The following PTPRS variants were observed in gnomAD, a reference collection of about 807,000 sequenced individuals.
PTPRS encodes the protein protein tyrosine phosphatase receptor type S, also known as receptor-type tyrosine-protein phosphatase S.
A neutral mutation model predicts 215.3 loss-of-function variants in PTPRS; 63 were observed. The observed-to-expected ratio is 0.29, with a 90% CI of 0.24 to 0.36. The LOEUF (loss-of-function observed/expected upper bound fraction) is 0.36, where lower values mean the gene tolerates loss of function less well. Among genes scored for constraint, PTPRS ranks in the 10% least tolerant of loss-of-function variants. PTPRS has a pLI of 1.00. For missense variants in PTPRS, 2,258 were observed against 2,825.8 expected (o/e 0.80, Z 4.56); for synonymous variants, 1,404 against 1,191.4 (o/e 1.18, Z -3.68).
chr19:5,312,502 A>C (rs1335777412), intron 1 of PTPRS, among the ~76,000 whole-genome samples: 2 of 151,972 alleles, frequency 1.3e-5, no homozygotes, highest in Non-Finnish European at 2.9e-5. Flanking sequence ...TCTACAAAAA[A>C]ATACAAAAAT....
intron 17 of PTPRS, among the ~76,000 whole-genome samples, 171 bp from the exon 18 acceptor site, chr19:5,223,468 G>A (rs2042194713): frequency 6.6e-6 from 1 of 151,808 alleles, no homozygotes; most frequent in African/African-American, 2.4e-5. Flanking sequence ...ACGGCTCACT[G>A]CAGCCTCGAA....
Position 5,212,504 on chromosome 19 carries a change from A to G in PTPRS, c.4615-13T>C. 2 of 1,578,650 alleles carry G rather than the reference A, an allele frequency of 1.3e-6. No homozygotes were observed. Among genetic ancestry groups the G allele is most frequent in the Non-Finnish European group, 1.7e-6 (2 of 1,160,524 alleles). On this transcript the variant is annotated splice_polypyrimidine_tract_variant and intron_variant, in intron 30 of 37. Transcript: ENST00000262963. ...CACTGGAGCCATTCTGGGGACCACA[A>G]GGATGTCACCTGTCACTCCGGCTCA... is the stretch of plus-strand genomic sequence containing the variant.
chr19:5,222,019 C>G, intron 19 of PTPRS, 104 bp downstream of exon 19: 1 of 909,784 alleles, frequency 1.1e-6, no homozygotes, highest in Non-Finnish European at 1.8e-6. Context: ...CTGACTGAGC[C>G]CTGATCCCTC....
At chr19:5,262,905 GA>G (rs1411327717) in intron 6 of PTPRS, 58 bp downstream of exon 6, 8 of 1,515,016 alleles carry the variant, frequency 5.3e-6, no homozygotes, top group Non-Finnish European at 7.2e-6. Context: ...AAGGGGAGCA[GA>G]AGGGGCACAA....
intron 13 of PTPRS, among the ~76,000 whole-genome samples, chr19:5,232,845 G>A (rs570834093): frequency 6.7e-4 from 101 of 151,442 alleles, no homozygotes; most frequent in Non-Finnish European, 1.3e-3. Flanking sequence ...GCCAGGCACC[G>A]TGGCAAGGGG....
intron 28 of PTPRS, 61 bp downstream of exon 28, chr19:5,215,228 G>A (rs754995315): frequency 1.3e-6 from 2 of 1,595,372 alleles, no homozygotes; most frequent in Non-Finnish European, 1.7e-6. Context: ...GGGAGACATG[G>A]GATCTAGCAC....
intron 1 of PTPRS, 25 bp from the exon 2 acceptor site, chr19:5,286,259 A>T: frequency 8.8e-7 from 1 of 1,131,434 alleles, no homozygotes; most frequent in Non-Finnish European, 1.3e-6. Context: ...GAGGGCTGTG[A>T]GAGGCGAGTG....
Position 5,218,434 on chromosome 19 carries a change from T to G in PTPRS, c.4034A>C (p.Asn1345Thr). 3.1e-6 allele frequency: 5 copies of G among 1,613,762 alleles called. No homozygotes were observed. The highest frequency in any genetic ancestry group is 3.4e-6 in the Non-Finnish European group (4 of 1,179,936). ...TAAGTACATACCTGGAGTCTGGAAG[T>G]TAATGCGTCTCATTTCCACAGGGTC... ...PKDPVEMRRINFQTPDSGLRS... is the reference protein window; with the variant it reads ...PKDPVEMRRITFQTPDSGLRS... The change falls in exon 25 of 38, where the codon AAC (asparagine) becomes ACC (threonine). Residue 1345 changes from asparagine to threonine, a missense_variant. Physicochemically the swap from Asn to Thr is moderately conservative, Grantham distance 65. Around this residue, in one of 6 missense-constraint regions of PTPRS, gnomAD observed 927 missense variants for 1,125.9 expected, o/e 0.82. Transcript: ENST00000262963.
intron 1 of PTPRS, among the ~76,000 whole-genome samples, chr19:5,323,229 C>T (rs533966160): frequency 6.6e-6 from 1 of 152,224 alleles, no homozygotes; most frequent in African/African-American, 2.4e-5. Context: ...CATGGTGGCA[C>T]ATGCCTGTAA....
chr19:5,309,756 T>C (rs1198329832), intron 1 of PTPRS, among the ~76,000 whole-genome samples: 1 of 152,118 alleles, frequency 6.6e-6, no homozygotes, highest in Non-Finnish European at 1.5e-5. Flanking sequence ...CCAACCCTTC[T>C]GCAAAATCCT....
chr19:5,269,557 C>T (rs1309639723), intron 4 of PTPRS, among the ~76,000 whole-genome samples: 1 of 151,984 alleles, frequency 6.6e-6, no homozygotes. Flanking sequence ...GTATCCAAGG[C>T]CCCGGGCCCC....
chr19:5,244,580 T>A lies in PTPRS; in HGVS notation c.989-98A>T. The A allele has an allele frequency of 1.0e-6, 1 of 982,914 alleles. No homozygotes were observed. Among genetic ancestry groups the A allele is most frequent in the Non-Finnish European group, 1.5e-6 (1 of 667,022 alleles). The allele number at this position is 982,914 out of a possible 1,614,324, so 60.9% of individuals were successfully genotyped here. ...ACCATTCAGTCGCCTTCTCTGAGCC[T>A]TGATTTGCCCAGCAGTAATCATGGG... On this transcript the variant is annotated intron_variant, in intron 10 of 37. Coordinates refer to ENST00000262963, the MANE Select transcript of PTPRS (RefSeq NM_002850.4). The surrounding 1 kb of genome is among the most constrained non-coding windows in gnomAD (Gnocchi z 7.2).
intron 2 of PTPRS, among the ~76,000 whole-genome samples, chr19:5,280,356 C>T (rs2047741357): frequency 6.6e-6 from 1 of 152,238 alleles, no homozygotes; most frequent in Non-Finnish European, 1.5e-5. Context: ...CCAGCCTAAC[C>T]TCCCTCACTC....
chr19:5,265,917 G>A (rs2046364028), intron 4 of PTPRS, among the ~76,000 whole-genome samples: 1 of 152,132 alleles, frequency 6.6e-6, no homozygotes, highest in Non-Finnish European at 1.5e-5. Flanking sequence ...AGCAGCCTGA[G>A]GACGCCTTTC....
At chr19:5,260,890 G>A in intron 6 of PTPRS, 68 bp from the exon 7 acceptor site, 1 of 1,568,502 alleles carries the variant, frequency 6.4e-7, no homozygotes, top group South Asian at 1.1e-5. Context: ...GGGGGCCCCA[G>A]GGAAGCTGGG....
intron 1 of PTPRS, among the ~76,000 whole-genome samples, chr19:5,305,113 T>C (rs762182477): frequency 1.3e-5 from 2 of 152,072 alleles, no homozygotes; most frequent in Non-Finnish European, 2.9e-5. Context: ...CCCCAAGACA[T>C]AAAAACCCCT....
At chr19:5,262,491 T>A (rs540009566) in intron 6 of PTPRS, among the ~76,000 whole-genome samples, 1 of 152,264 alleles carries the variant, frequency 6.6e-6, no homozygotes, top group African/African-American at 2.4e-5. Context: ...GAAAAGTGGA[T>A]GAGAAGTGCC....
chr19:5,239,011 G>A lies in PTPRS; in HGVS notation c.1757C>T (p.Pro586Leu). The part of the protein sequence containing the change: ...TTSYVVEDLK[P>L]NTEYAFRLAA... ...CAGGCGGAAGGCGTACTCCGTGTTG[G>A]GCTTCAGGTCCTCCACCACGTAGGA... Residue 586 changes from proline (P) to leucine (L), a missense_variant, in exon 13 of 38, where the codon CCC becomes CTC. Pro to Leu is a moderately conservative substitution (Grantham distance 98, BLOSUM62 -3). Transcript: ENST00000262963. The A allele has an allele frequency of 1.2e-6, 2 of 1,613,694 alleles. No individual in the cohort carries two copies. The highest frequency in any genetic ancestry group is 1.7e-6 in the Non-Finnish European group (2 of 1,179,894).
chr19:5,321,107 AAAC>A (rs146299984), intron 1 of PTPRS, among the ~76,000 whole-genome samples: 3,836 of 152,024 alleles, frequency 0.025, 143 homozygotes, highest in East Asian at 0.16. Context: ...ACAAAAAATT[AAAC>A]AACAACAAAA....
Sources: gnomAD v4.1 joint callset for allele counts (sites outside exome capture counted in the v4.1 genomes callset) on GRCh38, gnomAD v4.1.1 for gene constraint, gnomAD v4.1.1 regional missense constraint, Gnocchi (gnomAD v3.1) non-coding constraint, MANE v1.5 for transcripts, NCBI Gene and HGNC (gene_info 2026-07-23, HGNC 2026-07-21) for gene names.